The following RAB31 variants were observed in gnomAD, a reference collection of about 807,000 sequenced individuals.
RAB31 encodes the protein ras-related protein Rab-31.
RAB31 carries 21 observed loss-of-function variants against 25.6 expected under a neutral mutation model. The ratio of observed to expected loss-of-function variants is 0.82; its 90% CI spans 0.58 to 1.18. The LOEUF (loss-of-function observed/expected upper bound fraction) is 1.18, where lower values mean the gene tolerates loss of function less well. Among genes scored for constraint, RAB31 ranks in the 50% most tolerant of loss-of-function variants. The probability of loss-of-function intolerance (pLI) is 0.00; values close to 1 mark genes in which losing one functional copy is unlikely to be tolerated. For synonymous variants in RAB31, 87 were observed against 84.0 expected, an observed-to-expected ratio of 1.04 and a Z score of -0.20; for missense variants, 196 against 250.1, an observed-to-expected ratio of 0.78 and a Z score of 1.46.
chr18:9,820,269 T>C (rs1021599525), intron 5 of RAB31, among the ~76,000 whole-genome samples: 3 of 152,114 alleles, frequency 2.0e-5, no homozygotes, highest in Non-Finnish European at 4.4e-5. Flanking sequence ...TGTTGGATTT[T>C]TTCAAAAAAC....
chr18:9,726,411 C>T (rs182321682), intron 1 of RAB31, among the ~76,000 whole-genome samples: 31 of 152,298 alleles, frequency 2.0e-4, no homozygotes, highest in African/African-American at 6.5e-4. Context: ...GGCACGTATT[C>T]GCTGTGGCAA....
chr18:9,800,945 G>A (rs1280711177), intron 3 of RAB31, among the ~76,000 whole-genome samples: 3 of 152,104 alleles, frequency 2.0e-5, no homozygotes, highest in South Asian at 2.1e-4. Flanking sequence ...AGAAAGAAAC[G>A]CTTATGAATT....
intron 1 of RAB31, among the ~76,000 whole-genome samples, chr18:9,753,948 T>TA (rs1307918307): frequency 1.3e-5 from 2 of 152,242 alleles, no homozygotes; most frequent in African/African-American, 4.8e-5. Flanking sequence ...AGGCGTGTTC[T>TA]AGTGTATCAT....
intron 5 of RAB31, among the ~76,000 whole-genome samples, chr18:9,822,648 TA>T (rs1170914257): frequency 6.6e-6 from 1 of 152,042 alleles, no homozygotes; most frequent in Non-Finnish European, 1.5e-5. Flanking sequence ...GCAAAAGACA[TA>T]AACAGACATT....
At chr18:9,835,094 A>C (rs555731359) in intron 5 of RAB31, among the ~76,000 whole-genome samples, 31 of 152,324 alleles carry the variant, frequency 2.0e-4, no homozygotes, top group African/African-American at 7.5e-4. Context: ...CTTATCAACA[A>C]GGAAACCGAG....
Position 9,814,034 on chromosome 18 carries a change from T to A in RAB31, c.216T>A (p.Ala72=). ...TAGQERFHSL[A]PMYYRGSAAA... is the part of the protein sequence containing the mutation. ...TTCTTAAACAGTTTCATTCATTGGC[T>A]CCCATGTACTATCGAGGCTCAGCTG... is the stretch of plus-strand genomic sequence containing the variant. The change falls in exon 4 of 7, where the codon GCT becomes GCA. Residue 72 remains alanine, a synonymous_variant. Coordinates refer to ENST00000578921, the MANE Select transcript of RAB31 (RefSeq NM_006868.4). 1 of 1,590,850 alleles carries A rather than the reference T, an allele frequency of 6.3e-7. No homozygotes were observed. The highest frequency in any genetic ancestry group is 8.6e-7 in the Non-Finnish European group (1 of 1,164,912).
intron 1 of RAB31, among the ~76,000 whole-genome samples, chr18:9,752,631 G>A (rs185839042): frequency 6.6e-6 from 1 of 152,310 alleles, no homozygotes; most frequent in Admixed American, 6.5e-5. Flanking sequence ...GGGTGACTCA[G>A]TATTGAGCAG....
At chr18:9,750,440 C>A (rs2068228948) in intron 1 of RAB31, among the ~76,000 whole-genome samples, 1 of 152,186 alleles carries the variant, frequency 6.6e-6, no homozygotes, top group Non-Finnish European at 1.5e-5. Context: ...TGTAAAAATG[C>A]AGGCTTGGCA....
At chr18:9,803,517 C>G (rs1351027325) in intron 3 of RAB31, among the ~76,000 whole-genome samples, 1 of 152,134 alleles carries the variant, frequency 6.6e-6, no homozygotes, top group African/African-American at 2.4e-5. Context: ...TATTCCCTTC[C>G]TCCATGCCCC....
chr18:9,788,341 A>C (rs190221107), intron 2 of RAB31, among the ~76,000 whole-genome samples: 2 of 152,330 alleles, frequency 1.3e-5, no homozygotes, highest in Non-Finnish European at 2.9e-5. Context: ...AACCACAGGA[A>C]GATATCATCT....
chr18:9,800,333 T>C (rs1055980369), intron 3 of RAB31, among the ~76,000 whole-genome samples: 2 of 152,166 alleles, frequency 1.3e-5, no homozygotes, highest in Non-Finnish European at 2.9e-5. Flanking sequence ...TCCATTTTTT[T>C]CCACCGTGCT....
intron 3 of RAB31, among the ~76,000 whole-genome samples, chr18:9,807,958 A>T (rs1249470677): frequency 6.6e-6 from 1 of 152,214 alleles, no homozygotes; most frequent in Admixed American, 6.5e-5. Flanking sequence ...ATCCTGGACG[A>T]CAGAGCGAGA....
At chr18:9,797,336 T>C (rs911329825) in intron 3 of RAB31, 5 of 152,216 alleles carry the variant, frequency 3.3e-5, no homozygotes, top group African/African-American at 7.2e-5. Context: ...TAAGTCAATT[T>C]TGCGAATCGC....
intron 1 of RAB31, among the ~76,000 whole-genome samples, chr18:9,758,315 C>G (rs1316518118): frequency 6.6e-6 from 1 of 152,142 alleles, no homozygotes; most frequent in African/African-American, 2.4e-5. Context: ...AAGCATAACC[C>G]AGGCCCCTCC....
At chr18:9,828,209 C>T (rs766849091) in intron 5 of RAB31, among the ~76,000 whole-genome samples, 6 of 152,066 alleles carry the variant, frequency 3.9e-5, no homozygotes, top group Non-Finnish European at 8.8e-5. Flanking sequence ...GGAAAGATGG[C>T]GGGATGGTGT....
chr18:9,798,580 A>T (rs12604091), intron 3 of RAB31, among the ~76,000 whole-genome samples: 8 of 151,946 alleles, frequency 5.3e-5, no homozygotes, highest in Admixed American at 5.2e-4. Context: ...TTATGATTTG[A>T]CAATATAAAG....
At chr18:9,773,676 T>A (rs1306118720) in intron 1 of RAB31, among the ~76,000 whole-genome samples, 1 of 152,178 alleles carries the variant, frequency 6.6e-6, no homozygotes. Context: ...TATATATTTT[T>A]TGAGACAGAA....
chr18:9,787,783 G>T (rs1261583983), intron 2 of RAB31: 1 of 152,314 alleles, frequency 6.6e-6, no homozygotes, highest in African/African-American at 2.4e-5. Flanking sequence ...AATGTATGTA[G>T]GAGAGGCTTT....
chr18:9,796,978 A>G (rs1417680746), intron 3 of RAB31, among the ~76,000 whole-genome samples: 2 of 152,240 alleles, frequency 1.3e-5, no homozygotes, highest in Non-Finnish European at 2.9e-5. Flanking sequence ...GTTTTAAGAA[A>G]TAAATTAGGA....
Sources: allele counts gnomAD v4.1 joint callset (sites outside exome capture counted in the v4.1 genomes callset), GRCh38; gene constraint gnomAD v4.1.1; transcripts MANE v1.5; gene names NCBI Gene and HGNC (gene_info 2026-07-23, HGNC 2026-07-21).